The following GAS7 variants were observed in gnomAD, a reference collection of about 807,000 sequenced individuals.
The protein encoded by GAS7 is growth arrest specific 7.
In GAS7, 28 loss-of-function variants were observed where a neutral mutation model predicts 71.1. That is an observed-to-expected ratio of 0.39 (90% CI 0.29 to 0.54). The LOEUF (loss-of-function observed/expected upper bound fraction) is 0.54, where lower values mean the gene tolerates loss of function less well. Ranked by LOEUF, GAS7 falls within the 20% of genes least tolerant of loss-of-function variation. The probability of loss-of-function intolerance (pLI) is 0.62; values close to 1 mark genes in which losing one functional copy is unlikely to be tolerated. For synonymous variants in GAS7, 258 were observed against 245.8 expected (o/e 1.05, Z -0.46); for missense variants, 436 against 627.8 (o/e 0.69, Z 3.27).
At chr17:10,133,122 A>ATATTTT (rs1392845338) in intron 1 of GAS7, among the ~76,000 whole-genome samples, 11 of 118,888 alleles carry the variant, frequency 9.3e-5, no homozygotes, top group African/African-American at 3.0e-4. Context: ...ATATTTTTAT[A>ATATTTT]TTTTTTTTTT....
At chr17:10,156,872 A>C in intron 1 of GAS7, among the ~76,000 whole-genome samples, 2 of 150,468 alleles carry the variant, frequency 1.3e-5, no homozygotes, top group Non-Finnish European at 1.5e-5. Flanking sequence ...CCTCCTTCAA[A>C]CTCCCCACTG....
intron 1 of GAS7, among the ~76,000 whole-genome samples, chr17:10,055,250 T>C (rs1484257128): frequency 3.9e-5 from 6 of 152,092 alleles, no homozygotes; most frequent in Admixed American, 1.3e-4. Flanking sequence ...CCTGGGAACA[T>C]GGGGCATGGT....
chr17:9,944,854 G>A (rs961800960), intron 6 of GAS7, among the ~76,000 whole-genome samples: 12 of 152,194 alleles, frequency 7.9e-5, no homozygotes, highest in African/African-American at 2.7e-4. Context: ...TTCTAGGATG[G>A]ATATGCTGAG....
intron 1 of GAS7, among the ~76,000 whole-genome samples, chr17:10,142,719 A>G (rs2074092395): frequency 6.6e-6 from 1 of 152,214 alleles, no homozygotes; most frequent in Admixed American, 6.5e-5. Context: ...TAACTCTTAC[A>G]GAAAAAGATT....
At position 9,959,146 on chromosome 17, in the gene GAS7, A is replaced by T; in HGVS notation, c.525+56T>A. ...GTCCACATCGCCATGGCAACAGCCC[A>T]GCCAAATGCCCCAGCTCGCAGCCCA... On this transcript the variant is annotated intron_variant, in intron 5 of 13. Transcript: ENST00000432992. The surrounding 1 kb of genome is among the most constrained non-coding windows in gnomAD (Gnocchi z 5.0). The T allele has an allele frequency of 6.3e-7, 1 of 1,588,588 alleles. No homozygotes were observed.
intron 9 of GAS7, among the ~76,000 whole-genome samples, chr17:9,930,665 T>C (rs2068176445): frequency 6.6e-6 from 1 of 152,202 alleles, no homozygotes; most frequent in Non-Finnish European, 1.5e-5. Context: ...TTGCATTTCT[T>C]AAAGAGCTTT....
At chr17:10,005,103 ATGTGTG>A (rs1424065202) in intron 2 of GAS7, among the ~76,000 whole-genome samples, 1 of 150,566 alleles carries the variant, frequency 6.6e-6, no homozygotes, top group Non-Finnish European at 1.5e-5. Context: ...GCATACATGC[ATGTGTG>A]TGCGTGTGCA....
intron 1 of GAS7, among the ~76,000 whole-genome samples, chr17:10,166,011 C>CTTTT (rs11356429): frequency 1.4e-5 from 2 of 143,168 alleles, no homozygotes; most frequent in African/African-American, 2.6e-5. Flanking sequence ...TTTTCTTTTT[C>CTTTT]TTTTTTTTTT....
chr17:10,181,160 G>C (rs1293062618), intron 1 of GAS7, among the ~76,000 whole-genome samples: 1 of 151,286 alleles, frequency 6.6e-6, no homozygotes, highest in Non-Finnish European at 1.5e-5. Flanking sequence ...AGGAGATCGA[G>C]ACCATCCTGG....
intron 6 of GAS7, among the ~76,000 whole-genome samples, 193 bp downstream of exon 6, chr17:9,946,699 CCT>C (rs1402722723): frequency 6.6e-6 from 1 of 152,180 alleles, no homozygotes; most frequent in African/African-American, 2.4e-5. Flanking sequence ...CTGCTGAACC[CCT>C]GAGATTCATG....
chr17:10,177,131 C>T (rs1444655635), intron 1 of GAS7, among the ~76,000 whole-genome samples: 2 of 152,224 alleles, frequency 1.3e-5, no homozygotes, highest in African/African-American at 4.8e-5. Flanking sequence ...AGCAGGAGAT[C>T]CCCATGCAAG....
chr17:10,061,618 C>T (rs955403962), intron 1 of GAS7, among the ~76,000 whole-genome samples: 6 of 152,210 alleles, frequency 3.9e-5, no homozygotes, highest in Admixed American at 1.3e-4. Flanking sequence ...TTTCTAGCTT[C>T]GTCCAAAGAT....
chr17:9,932,145 C>A (rs6503274), intron 9 of GAS7, among the ~76,000 whole-genome samples: 83,351 of 150,146 alleles, frequency 0.56, 23,585 homozygotes, highest in African/African-American at 0.63. Context: ...GAGGGAAGAG[C>A]GAGGAGGCCA....
chr17:10,154,935 C>T (rs1421799299), intron 1 of GAS7, among the ~76,000 whole-genome samples: 2 of 151,738 alleles, frequency 1.3e-5, no homozygotes, highest in African/African-American at 4.8e-5. Context: ...CACACACACA[C>T]ACACACACAC....
intron 1 of GAS7, among the ~76,000 whole-genome samples, chr17:10,058,455 A>G (rs2073178797): frequency 1.3e-5 from 2 of 152,068 alleles, no homozygotes; most frequent in Non-Finnish European, 2.9e-5. Flanking sequence ...CCGTCTCAAA[A>G]AAAAAAAAAA....
chr17:9,947,016 G>A (rs749064359), intron 5 of GAS7, 33 bp from the exon 6 acceptor site: 8 of 1,442,760 alleles, frequency 5.5e-6, no homozygotes, highest in East Asian at 4.6e-5. Context: ...GAATGACCCC[G>A]CTGGAGACTG....
At chr17:9,920,422 T>C (rs1420052519) in intron 11 of GAS7, among the ~76,000 whole-genome samples, 1 of 152,254 alleles carries the variant, frequency 6.6e-6, no homozygotes. Context: ...TTAGGACTAC[T>C]CTATTACTTT....
At position 9,917,231 on chromosome 17, in the gene GAS7, G is replaced by A. The variant is rs770941944; in HGVS notation, c.1428C>T (p.Ile476=). 6 of 1,579,274 alleles carry A rather than the reference G, an allele frequency of 3.8e-6. No homozygotes were observed. The highest frequency in any genetic ancestry group is 1.7e-5 in the Admixed American group (1 of 59,986). ...TGNIRPVDME[I] ...CCCCGAAGCTGCACAGGCCCATCTA[G>A]ATCTCCATGTCCACAGGGCGGATGT... Residue 476 remains isoleucine, a synonymous_variant, in exon 14 of 14, where the codon ATC becomes ATT. Coordinates refer to ENST00000432992, the MANE Select transcript of GAS7 (RefSeq NM_201433.2).
chr17:10,050,323 CTT>C (rs1266238537), intron 1 of GAS7, among the ~76,000 whole-genome samples: 3 of 152,098 alleles, frequency 2.0e-5, no homozygotes, highest in Non-Finnish European at 4.4e-5. Flanking sequence ...GACAAAATGA[CTT>C]TCTCAACCAA....
Sources: allele counts gnomAD v4.1 joint callset (sites outside exome capture counted in the v4.1 genomes callset), GRCh38; gene constraint gnomAD v4.1.1; non-coding constraint Gnocchi (gnomAD v3.1); transcripts MANE v1.5; gene names NCBI Gene and HGNC (gene_info 2026-07-23, HGNC 2026-07-21).